Variants in RGS12 observed in about 807,000 individuals in gnomAD.
RGS12 encodes the protein regulator of G-protein signaling 12.
A neutral mutation model predicts 120.1 loss-of-function variants in RGS12; 66 were observed. The ratio of observed to expected loss-of-function variants is 0.55; its 90% CI spans 0.45 to 0.67. RGS12 has a LOEUF of 0.67. Ranked by LOEUF, RGS12 falls within the 30% of genes least tolerant of loss-of-function variation. The pLI, the probability that RGS12 is intolerant of heterozygous loss-of-function variation, is 0.00. For missense variants in RGS12, 1,859 were observed against 1,957.7 expected (o/e 0.95, Z 0.95); for synonymous variants, 827 against 804.7 (o/e 1.03, Z -0.47).
intron 3 of RGS12, among the ~76,000 whole-genome samples, chr4:3,361,656 C>T (rs1363262287): frequency 6.6e-6 from 1 of 152,172 alleles, no homozygotes; most frequent in Admixed American, 6.5e-5. Flanking sequence ...CCTGGAGGAG[C>T]TCCCGAGGCA....
At chr4:3,347,022 A>G (rs894740915) in intron 3 of RGS12, among the ~76,000 whole-genome samples, 4 of 151,908 alleles carry the variant, frequency 2.6e-5, no homozygotes, top group Non-Finnish European at 4.4e-5. Flanking sequence ...CCACATTGCC[A>G]TAAGAATACA....
At chr4:3,425,034 A>G (rs904515202) in intron 13 of RGS12, among the ~76,000 whole-genome samples, 1 of 152,256 alleles carries the variant, frequency 6.6e-6, no homozygotes, top group African/African-American at 2.4e-5. Context: ...ATGCAGAGAC[A>G]AGAACTCCAG....
chr4:3,414,982 AGGTTGCGTGTGAGG>A lies in RGS12; in HGVS notation c.2283+141_2283+154del. The A allele has an allele frequency of 1.8e-5, 5 of 276,982 alleles. No individual in the cohort carries two copies. In the South Asian group the frequency reaches 2.2e-4, roughly 12 times the overall value. The allele number at this position is 276,982 out of a possible 1,614,324, so 17.2% of individuals were successfully genotyped here. A position where few individuals can be genotyped will look rare whatever the true frequency, so the allele number is the denominator to read the frequency against. On this transcript the variant is annotated intron_variant, in intron 6 of 17. Coordinates refer to ENST00000336727, the MANE Select transcript of RGS12 (RefSeq NM_001394154.1). ...GAGGGGCGTGAGAGGGGCGTGTGAGAGGTTGCGTGTGAGGGGCGTGTGAGGGGCGTGTGTGAGAG... is the reference window on the plus strand; with the variant it reads ...GAGGGGCGTGAGAGGGGCGTGTGAGAGGCGTGTGAGGGGCGTGTGTGAGAG...
chr4:3,293,951 G>C (rs1723213378), intron 1 of RGS12, among the ~76,000 whole-genome samples: 1 of 151,944 alleles, frequency 6.6e-6, no homozygotes, highest in Non-Finnish European at 1.5e-5. Flanking sequence ...AGACAGAGAA[G>C]GGGCCCAGAG....
intron 1 of RGS12, among the ~76,000 whole-genome samples, chr4:3,302,861 T>A (rs1226783074): frequency 6.7e-6 from 1 of 150,058 alleles, no homozygotes; most frequent in African/African-American, 2.5e-5. Context: ...CAAGAGAGAG[T>A]GATTTTTGCA....
intron 1 of RGS12, among the ~76,000 whole-genome samples, chr4:3,300,288 A>C (rs2110355216): frequency 6.6e-6 from 1 of 152,274 alleles, no homozygotes; most frequent in South Asian, 2.1e-4. Context: ...AGTGCAGTGA[A>C]GGTGCTTTAG....
At chr4:3,343,237 A>G (rs532059382) in intron 3 of RGS12, 184 bp downstream of exon 3, 47 of 557,560 alleles carry the variant, frequency 8.4e-5, no homozygotes, top group Admixed American at 1.2e-4. Context: ...CTACCCTGCA[A>G]TGTGTCTGAG....
At chr4:3,435,742 C>G (rs1724750932) in intron 17 of RGS12, among the ~76,000 whole-genome samples, 1 of 152,062 alleles carries the variant, frequency 6.6e-6, no homozygotes, top group Non-Finnish European at 1.5e-5. Flanking sequence ...GTTGCTCCCC[C>G]TCCTCCCCTG....
At chr4:3,422,167 G>T (rs918095795) in intron 10 of RGS12, among the ~76,000 whole-genome samples, 1 of 152,210 alleles carries the variant, frequency 6.6e-6, no homozygotes, top group African/African-American at 2.4e-5. Flanking sequence ...AATGATGACC[G>T]CTCTCTCGTG....
chr4:3,332,736 C>T lies in RGS12; in HGVS notation c.1882-10201C>T, dbSNP rs1711999553. 3.3e-5 allele frequency among the ~76,000 whole-genome samples: 5 copies of T among 152,250 alleles called. No individual in the cohort carries two copies. The South Asian group carries it at 1.0e-3, about 31-fold the overall frequency. ...AGTCCCTGGCTGGTTGTGCACTTCG[C>T]ACGTGTCCCTGCCCCGGGCATGACT... On this transcript the variant is annotated intron_variant, in intron 2 of 17. Transcript: ENST00000336727.
chr4:3,323,189 C>T (rs1725318628), intron 2 of RGS12, among the ~76,000 whole-genome samples: 2 of 152,246 alleles, frequency 1.3e-5, no homozygotes, highest in South Asian at 4.1e-4. Context: ...GGCTGGGGGG[C>T]CTCTCCCGGG....
intron 17 of RGS12, among the ~76,000 whole-genome samples, chr4:3,432,890 G>A (rs544801196): frequency 6.6e-6 from 1 of 152,350 alleles, no homozygotes; most frequent in South Asian, 2.1e-4. Context: ...TCCTCCACGT[G>A]CCTGTCCGTG....
chr4:3,426,317 G>T (rs1723639164), intron 14 of RGS12, among the ~76,000 whole-genome samples: 1 of 149,418 alleles, frequency 6.7e-6, no homozygotes, highest in East Asian at 2.0e-4. Context: ...GGTGAGTGGG[G>T]CTTGTGCAGG....
chr4:3,303,645 T>C (rs1723807221), intron 1 of RGS12, among the ~76,000 whole-genome samples: 1 of 152,176 alleles, frequency 6.6e-6, no homozygotes, highest in Non-Finnish European at 1.5e-5. Flanking sequence ...TCTCCCTGGG[T>C]GCCTGGCTTC....
At chr4:3,321,718 C>T (rs549948108) in intron 2 of RGS12, among the ~76,000 whole-genome samples, 15 of 152,346 alleles carry the variant, frequency 9.8e-5, no homozygotes, top group African/African-American at 7.2e-5. Context: ...CTCCTCCCCC[C>T]AGTGGACTGC....
intron 11 of RGS12, 52 bp from the exon 12 acceptor site, chr4:3,422,853 T>C: frequency 6.6e-7 from 1 of 1,520,504 alleles, no homozygotes. Context: ...GGGTCTGCGT[T>C]TGGGGGGCTG....
At chr4:3,288,012 G>A in the RGS12 span, among the ~76,000 whole-genome samples, 1 of 152,228 alleles carries the variant, frequency 6.6e-6, no homozygotes, top group African/African-American at 2.4e-5. The surrounding 1 kb of genome is among the most constrained non-coding windows in gnomAD (Gnocchi z 5.2). Flanking sequence ...CAGCGCCAGA[G>A]TCCCTCTGGG....
At chr4:3,395,587 A>G (rs938703980) in intron 4 of RGS12, among the ~76,000 whole-genome samples, 2 of 152,214 alleles carry the variant, frequency 1.3e-5, no homozygotes, top group African/African-American at 4.8e-5. Flanking sequence ...TAGGTGTTCA[A>G]CATCCTCTCA....
At position 3,384,547 on chromosome 4, in the gene RGS12, T is replaced by G. The variant is rs564101726; in HGVS notation, c.1999-1869T>G. 1.5e-3 allele frequency among the ~76,000 whole-genome samples: 236 copies of G among 152,326 alleles called. 1 individual carries two copies. The highest frequency in any genetic ancestry group is 2.5e-3 in the Non-Finnish European group (173 of 68,032). The stretch of plus-strand genomic sequence containing the variant: ...GCCTTCCAAAATGTGTATGTCAGCA[T>G]CTGTGACGTGGCTGCCCCAGAGCCT... On this transcript the variant is annotated intron_variant, in intron 3 of 17. Coordinates refer to ENST00000336727, the MANE Select transcript of RGS12 (RefSeq NM_001394154.1).
Sources: allele counts gnomAD v4.1 joint callset (sites outside exome capture counted in the v4.1 genomes callset), GRCh38; gene constraint gnomAD v4.1.1; non-coding constraint Gnocchi (gnomAD v3.1); transcripts MANE v1.5; gene names NCBI Gene and HGNC (gene_info 2026-07-23, HGNC 2026-07-21).